LRP1: variants seen among roughly 807,000 people sequenced by gnomAD.
LRP1 encodes prolow-density lipoprotein receptor-related protein 1.
A neutral mutation model predicts 541.5 loss-of-function variants in LRP1; 51 were observed. That is an observed-to-expected ratio of 0.09 (90% CI 0.08 to 0.12). The LOEUF (loss-of-function observed/expected upper bound fraction) is 0.12. LRP1 is among the 10% of genes least tolerant of loss of function. The pLI is 1.00. For missense variants in LRP1, 3,878 were observed against 6,376.2 expected (o/e 0.61, Z 13.34); for synonymous variants, 2,219 against 2,470.8 (o/e 0.90, Z 3.02).
intron 20 of LRP1, among the ~76,000 whole-genome samples, chr12:57,169,996 A>C (rs1023240901): frequency 3.9e-5 from 6 of 152,238 alleles, no homozygotes; most frequent in African/African-American, 1.4e-4. Context: ...GGAGGCTGGA[A>C]GTCCCAGACC....
Position 57,145,273 on chromosome 12 carries a change from C to T in LRP1, c.624C>T (p.Asn208=). The T allele has an allele frequency of 6.2e-7, 1 of 1,614,212 alleles. No individual in the cohort carries two copies. Among genetic ancestry groups the T allele is most frequent in the Non-Finnish European group, 8.5e-7 (1 of 1,180,040 alleles). Residue 208 remains asparagine (N), a synonymous_variant, in exon 6 of 89, where the codon AAC becomes AAT. Transcript: ENST00000243077. ...PPVLLIANSQ[N]ILATYLSGAQ... ...TGCTGTTGATAGCCAACTCCCAGAA[C>T]ATCTTGGCCACGTACCTGAGTGGGG...
rs971851076 is a variant in LRP1 at position 57,169,029 on chromosome 12, G to C, written c.2996-111G>C. The C allele has an allele frequency of 1.6e-5, 14 of 854,720 alleles. No individual in the cohort carries two copies. In the Admixed American group the frequency reaches 1.7e-4, roughly 10 times the overall value. The allele number at this position is 854,720 out of a possible 1,614,324, so 52.9% of individuals were successfully genotyped here. On this transcript the variant is annotated intron_variant, in intron 19 of 88. Transcript: ENST00000243077. ...CTGTTTGTTATTTTCCCAGTGGGGG[G>C]GTTAGGGTGGGCTGAGGGTGGGTTC...
chr12:57,179,548 T>C lies in LRP1; in HGVS notation c.4958T>C (p.Val1653Ala). 4 of 1,613,848 alleles carry C rather than the reference T, an allele frequency of 2.5e-6. No homozygotes were observed. The highest frequency in any genetic ancestry group is 2.2e-5 in the East Asian group (1 of 44,874). The change falls in exon 29 of 89, where the codon GTC (valine) becomes GCC (alanine). Residue 1653 changes from valine to alanine, a missense_variant. Val to Ala is a moderately conservative substitution (Grantham distance 64). This residue lies in a region of LRP1 where 394 missense variants were observed against 635.9 expected (regional missense o/e 0.62). Coordinates refer to ENST00000243077, the MANE Select transcript of LRP1 (RefSeq NM_002332.3). This position sits in a 1 kb window ranked among gnomAD's most constrained non-coding sequence, Gnocchi z 6.8. ...AACGGCACAGGCGTGGAGACAGTCGTCTCTGCAGGTTCTTCCTGGCCCTGG... is the reference window on the plus strand; with the variant it reads ...AACGGCACAGGCGTGGAGACAGTCGCCTCTGCAGGTTCTTCCTGGCCCTGG... The part of the protein sequence containing the change: ...FINGTGVETV[V>A]SADLPNAHGL...
intron 11 of LRP1, 96 bp from the exon 12 acceptor site, chr12:57,159,729 G>C: frequency 7.9e-7 from 1 of 1,272,330 alleles, no homozygotes; most frequent in Non-Finnish European, 1.1e-6. Context: ...CTGTAGCCCA[G>C]ACTGCTCAAA....
At chr12:57,199,825 C>G (rs931915253) in intron 61 of LRP1, 52 bp from the exon 62 acceptor site, 1 of 1,544,476 alleles carries the variant, frequency 6.5e-7, no homozygotes, top group Non-Finnish European at 8.7e-7. Flanking sequence ...AGTGAGGCAG[C>G]CTTTGGTAGG....
intron 78 of LRP1, 87 bp downstream of exon 78, chr12:57,208,904 G>A: frequency 8.2e-7 from 1 of 1,223,312 alleles, no homozygotes; most frequent in Non-Finnish European, 1.2e-6. Context: ...ACAAAAGCAA[G>A]GGATGGGATG....
chr12:57,212,035 T>G lies in LRP1; in HGVS notation c.13349+18T>G. On this transcript the variant is annotated intron_variant, in intron 87 of 88. Coordinates refer to ENST00000243077, the MANE Select transcript of LRP1 (RefSeq NM_002332.3). This position sits in a 1 kb window ranked among gnomAD's most constrained non-coding sequence, Gnocchi z 5.0. ...GTCCAAGGGTGAGTCACAGGGATTC[T>G]GGAACATTCTGGTCATTATTTTGCC... The G allele has an allele frequency of 1.2e-6, 2 of 1,613,988 alleles. No individual in the cohort carries two copies. The highest frequency in any genetic ancestry group is 1.7e-6 in the Non-Finnish European group (2 of 1,179,928).
chr12:57,152,385 G>A (rs1001799356), intron 6 of LRP1, among the ~76,000 whole-genome samples: 2 of 152,124 alleles, frequency 1.3e-5, no homozygotes, highest in East Asian at 1.9e-4. Flanking sequence ...CCAGACCCCT[G>A]CCGTGCCCAC....
intron 1 of LRP1, among the ~76,000 whole-genome samples, chr12:57,136,398 C>A (rs542717290): frequency 7.2e-5 from 10 of 139,462 alleles, no homozygotes; most frequent in South Asian, 2.4e-4. Flanking sequence ...CCTAAGAGCC[C>A]CCCCCCCCCG....
In LRP1 at chr12:57,201,111, G is replaced by A. The variant is rs1565751353; in HGVS notation, c.10303G>A (p.Gly3435Arg). ...TATTCCCGGCATCTTCCGCTGCAAT[G>A]GGCAGGACAACTGCGGAGATGGGGA... The part of the protein sequence containing the change: ...RCIPGIFRCN[G>R]QDNCGDGEDE... The change falls in exon 65 of 89, where the codon GGG (glycine) becomes AGG (arginine). Residue 3435 changes from glycine to arginine, a missense_variant. By Grantham distance (125) the Gly-to-Arg change is moderately radical. Around this residue, in one of 13 missense-constraint regions of LRP1, gnomAD observed 278 missense variants for 536.3 expected, o/e 0.52. Transcript: ENST00000243077. This position sits in a 1 kb window ranked among gnomAD's most constrained non-coding sequence, Gnocchi z 6.4. 1 of 1,614,062 alleles carries A rather than the reference G, an allele frequency of 6.2e-7. No homozygotes were observed. The highest frequency in any genetic ancestry group is 8.5e-7 in the Non-Finnish European group (1 of 1,180,004).
At chr12:57,192,445 G>A (rs2036433640) in intron 44 of LRP1, among the ~76,000 whole-genome samples, 1 of 152,052 alleles carries the variant, frequency 6.6e-6, no homozygotes, top group African/African-American at 2.4e-5. Flanking sequence ...CGAGAGCCTG[G>A]GTGCACGTGC....
At chr12:57,180,897 G>A (rs2036151873) in intron 33 of LRP1, 90 bp downstream of exon 33, 1 of 1,548,116 alleles carries the variant, frequency 6.5e-7, no homozygotes, top group South Asian at 1.1e-5. Context: ...GGGCAAGGGA[G>A]TAAGTGGGTT....
At chr12:57,137,752 T>C (rs1480328429) in intron 1 of LRP1, among the ~76,000 whole-genome samples, 7 of 150,970 alleles carry the variant, frequency 4.6e-5, no homozygotes, top group Admixed American at 2.0e-4. Context: ...GCTGAGATTG[T>C]GCCACTGCAC....
intron 46 of LRP1, 94 bp from the exon 47 acceptor site, chr12:57,193,472 G>T: frequency 6.5e-7 from 1 of 1,537,982 alleles, no homozygotes; most frequent in Non-Finnish European, 8.8e-7. Flanking sequence ...CTTTGGGTTT[G>T]GGGGTGGCCA....
intron 44 of LRP1, 107 bp downstream of exon 44, chr12:57,191,619 A>G: frequency 1.1e-6 from 1 of 933,432 alleles, no homozygotes. Flanking sequence ...CCCTACACAT[A>G]CCACACACAC....
intron 10 of LRP1, 93 bp downstream of exon 10, chr12:57,157,013 G>T (rs1427442333): frequency 7.1e-7 from 1 of 1,400,604 alleles, no homozygotes; most frequent in East Asian, 2.5e-5. Context: ...TGTCTGACAT[G>T]CAGGGAGATG....
Position 57,187,445 on chromosome 12 carries a change from C to T in LRP1, c.7020C>T (p.Asp2340=), listed in dbSNP as rs770277225. 38 of 1,612,774 alleles carry T rather than the reference C, an allele frequency of 2.4e-5. No individual in the cohort carries two copies. Among genetic ancestry groups the T allele is most frequent in the Middle Eastern group, 1.6e-4 (1 of 6,082 alleles). ...GDDHPRAFVL[D]ECQNLMFWTN... Reference sequence around the variant, plus strand: ...ACCACCCACGGGCCTTCGTTTTGGACGAGTGCCAGAAGTGAGCTGCTGCCT... The same window carrying T: ...ACCACCCACGGGCCTTCGTTTTGGATGAGTGCCAGAAGTGAGCTGCTGCCT... The change falls in exon 42 of 89, where the codon GAC becomes GAT. Residue 2340 remains aspartate, a synonymous_variant. Transcript: ENST00000243077.
chr12:57,157,054 G>A (rs753156623), intron 10 of LRP1, 134 bp downstream of exon 10: 21 of 1,136,226 alleles, frequency 1.8e-5, no homozygotes, highest in Non-Finnish European at 2.4e-5. Context: ...ACCTGCTAGT[G>A]AGGGCAGAGA....
In LRP1 at chr12:57,165,130, G is replaced by A. The variant is rs2035813292; in HGVS notation, c.2531-675G>A. 6.6e-6 allele frequency: 1 copy of A among 152,538 alleles called. No individual in the cohort carries two copies. Among genetic ancestry groups the A allele is most frequent in the Admixed American group, 6.5e-5 (1 of 15,298 alleles). 9.4% of individuals were successfully genotyped at this position (152,538 alleles called of 1,614,324 possible). A position where few individuals can be genotyped will look rare whatever the true frequency, so the allele number is the denominator to read the frequency against. ...TCCATGGTCCATGGGATACGGGAGG[G>A]GAAATCGCCACCCATGGGGCCATGG... On this transcript the variant is annotated intron_variant, in intron 15 of 88. Coordinates refer to ENST00000243077, the MANE Select transcript of LRP1 (RefSeq NM_002332.3). The surrounding 1 kb of genome is among the most constrained non-coding windows in gnomAD (Gnocchi z 4.5).
Sources: allele counts gnomAD v4.1 joint callset (sites outside exome capture counted in the v4.1 genomes callset), GRCh38; gene constraint gnomAD v4.1.1; regional missense constraint gnomAD v4.1.1; non-coding constraint Gnocchi (gnomAD v3.1); transcripts MANE v1.5; gene names NCBI Gene and HGNC (gene_info 2026-07-23, HGNC 2026-07-21).